The following EML4 variants were observed in gnomAD, a reference collection of about 807,000 sequenced individuals.
EML4 encodes the protein EMAP like 4, also known as echinoderm microtubule-associated protein-like 4.
In EML4, 72 loss-of-function variants were observed where a neutral mutation model predicts 129.0. The observed-to-expected ratio is 0.56, with a 90% confidence interval of 0.46 to 0.68. The LOEUF is 0.68. Ranked by LOEUF, EML4 falls within the 30% of genes least tolerant of loss-of-function variation. EML4 has a pLI of 0.00. For missense variants in EML4, 1,363 were observed against 1,190.6 expected, an observed-to-expected ratio of 1.14 and a Z score of -2.13; for synonymous variants, 532 against 405.0, an observed-to-expected ratio of 1.31 and a Z score of -3.77.
At chr2:42,200,540 G>T (rs1213465533) in intron 1 of EML4, among the ~76,000 whole-genome samples, 1 of 152,128 alleles carries the variant, frequency 6.6e-6, no homozygotes, top group Non-Finnish European at 1.5e-5. Context: ...TTTCTTATTT[G>T]CTGGTCATTG....
At chr2:42,316,138 C>A in intron 18 of EML4, 88 bp downstream of exon 18, 1 of 863,494 alleles carries the variant, frequency 1.2e-6, no homozygotes, top group South Asian at 1.6e-5. Context: ...AGGCTGACTA[C>A]TTTTTTCTCT....
chr2:42,283,444 ACTC>A (rs147518646), intron 8 of EML4, among the ~76,000 whole-genome samples: 2,464 of 151,714 alleles, frequency 0.016, 33 homozygotes, highest in Middle Eastern at 0.024. Context: ...AAATGTGAGA[ACTC>A]CTTTTAAATG....
chr2:42,302,065 A>G (rs1011806797), intron 14 of EML4, among the ~76,000 whole-genome samples: 1 of 152,100 alleles, frequency 6.6e-6, no homozygotes, highest in Non-Finnish European at 1.5e-5. Context: ...ATTCTTTGAG[A>G]TTATTATTAA....
intron 1 of EML4, among the ~76,000 whole-genome samples, chr2:42,199,761 A>G (rs1672109133): frequency 6.6e-6 from 1 of 152,130 alleles, no homozygotes; most frequent in Admixed American, 6.5e-5. Context: ...CTTTTGGGAG[A>G]GTGAGCGGGT....
At chr2:42,205,350 TACAC>T (rs1672480718) in intron 1 of EML4, among the ~76,000 whole-genome samples, 1 of 152,218 alleles carries the variant, frequency 6.6e-6, no homozygotes, top group Admixed American at 6.5e-5. Context: ...AATCTGTCCT[TACAC>T]ATAGTGAAGT....
At chr2:42,268,041 A>T (rs1397352364) in intron 6 of EML4, among the ~76,000 whole-genome samples, 2 of 152,238 alleles carry the variant, frequency 1.3e-5, no homozygotes, top group African/African-American at 2.4e-5. Flanking sequence ...TGGAAAATAG[A>T]TAACAATTTG....
At chr2:42,241,091 G>A (rs760283323) in intron 1 of EML4, among the ~76,000 whole-genome samples, 3 of 152,104 alleles carry the variant, frequency 2.0e-5, no homozygotes, top group Non-Finnish European at 4.4e-5. Flanking sequence ...GAACCCATGA[G>A]GCGGAGGTTG....
chr2:42,259,450 G>T (rs1572643125), intron 3 of EML4, among the ~76,000 whole-genome samples: 2 of 152,102 alleles, frequency 1.3e-5, no homozygotes, highest in South Asian at 2.1e-4. Flanking sequence ...ATAATCAAAA[G>T]AATTTATACT....
intron 1 of EML4, among the ~76,000 whole-genome samples, chr2:42,207,101 G>A (rs887383079): frequency 2.0e-5 from 3 of 152,120 alleles, no homozygotes; most frequent in African/African-American, 4.8e-5. Context: ...ATATAGTTCT[G>A]TAGAAATATG....
intron 2 of EML4, among the ~76,000 whole-genome samples, chr2:42,248,322 A>G (rs995095375): frequency 3.3e-5 from 5 of 152,182 alleles, no homozygotes; most frequent in Admixed American, 2.0e-4. Context: ...TATTGTATCT[A>G]CTAAGGTATT....
intron 1 of EML4, among the ~76,000 whole-genome samples, chr2:42,233,911 T>G (rs1382646939): frequency 3.3e-5 from 5 of 152,230 alleles, no homozygotes; most frequent in Admixed American, 2.6e-4. Flanking sequence ...AATACTTACT[T>G]TGGGGACTTT....
intron 1 of EML4, among the ~76,000 whole-genome samples, chr2:42,175,249 G>A (rs931719190): frequency 6.6e-6 from 1 of 152,122 alleles, no homozygotes; most frequent in East Asian, 1.9e-4. Context: ...GAGTAGCTGG[G>A]ACTACAGGCA....
intron 22 of EML4, 37 bp from the exon 23 acceptor site, chr2:42,329,697 G>C: frequency 6.4e-7 from 1 of 1,563,708 alleles, no homozygotes; most frequent in Non-Finnish European, 8.8e-7. Flanking sequence ...TCAAGAATGA[G>C]TTTAATTTTC....
intron 1 of EML4, among the ~76,000 whole-genome samples, chr2:42,189,815 T>G (rs1450449680): frequency 6.6e-6 from 1 of 152,202 alleles, no homozygotes; most frequent in Non-Finnish European, 1.5e-5. Flanking sequence ...GTTGTTCTCT[T>G]ATGTTGAATA....
At chr2:42,266,796 C>G (rs1452386821) in intron 6 of EML4, among the ~76,000 whole-genome samples, 1 of 151,792 alleles carries the variant, frequency 6.6e-6, no homozygotes, top group Non-Finnish European at 1.5e-5. Flanking sequence ...GAGTGGTTTT[C>G]TACTCTAAAT....
intron 1 of EML4, among the ~76,000 whole-genome samples, chr2:42,224,556 AG>A (rs1354007139): frequency 6.6e-6 from 1 of 152,034 alleles, no homozygotes; most frequent in Non-Finnish European, 1.5e-5. Context: ...TATTTCTCTT[AG>A]GTGTATACTT....
intron 6 of EML4, chr2:42,265,070 T>C: frequency 1.1e-6 from 1 of 936,072 alleles, no homozygotes; most frequent in Non-Finnish European, 1.6e-6. Flanking sequence ...TACAGTGATT[T>C]GAGCTAGATG....
chr2:42,304,312 C>G (rs1668471341), intron 16 of EML4, among the ~76,000 whole-genome samples, 172 bp from the exon 17 acceptor site: 1 of 152,226 alleles, frequency 6.6e-6, no homozygotes. Flanking sequence ...ATATCCCCTT[C>G]ATGCTCTGAA....
At chr2:42,201,822 C>A (rs1427033887) in intron 1 of EML4, among the ~76,000 whole-genome samples, 1 of 151,708 alleles carries the variant, frequency 6.6e-6, no homozygotes, top group Admixed American at 6.5e-5. Flanking sequence ...TGGCTCAGGC[C>A]TGTAATCCCA....
Sources: gnomAD v4.1 joint callset for allele counts (sites outside exome capture counted in the v4.1 genomes callset) on GRCh38, gnomAD v4.1.1 for gene constraint, MANE v1.5 for transcripts, NCBI Gene and HGNC (gene_info 2026-07-23, HGNC 2026-07-21) for gene names.